The following UNC13C variants were observed in gnomAD, a reference collection of about 807,000 sequenced individuals.
The protein encoded by UNC13C is protein unc-13 homolog C.
A neutral mutation model predicts 245.4 loss-of-function variants in UNC13C; 174 were observed. That is an observed-to-expected ratio of 0.71 (90% CI 0.63 to 0.80). UNC13C has a LOEUF of 0.80. Among genes scored for constraint, UNC13C ranks in the 30% least tolerant of loss-of-function variants. The pLI is 0.00. For synonymous variants in UNC13C, 992 were observed against 895.1 expected (o/e 1.11, Z -1.93); for missense variants, 2,829 against 2,602.9 (o/e 1.09, Z -1.89).
In UNC13C at chr15:54,067,131, T is replaced by C. The variant is rs534325051; in HGVS notation, c.2983+51245T>C. 2.1e-3 allele frequency among the ~76,000 whole-genome samples: 314 copies of C among 152,264 alleles called. 2 individuals are homozygous for C. Among genetic ancestry groups the C allele is most frequent in the Middle Eastern group, 3.4e-3 (1 of 294 alleles). ...TCCCTATACTCCTGTTTGGTTCGAT[T>C]TGATGACTGACTGTTTTTTTAATCT... On this transcript the variant is annotated intron_variant, in intron 2 of 32. Coordinates refer to ENST00000260323, the MANE Select transcript of UNC13C (RefSeq NM_001080534.3).
chr15:54,075,699 G>A (rs1407480499), intron 2 of UNC13C, among the ~76,000 whole-genome samples: 1 of 151,964 alleles, frequency 6.6e-6, no homozygotes, highest in Admixed American at 6.6e-5. Flanking sequence ...AGCAGTGATT[G>A]TGGAATCTCA....
At chr15:54,545,301 G>A (rs1896434857) in intron 26 of UNC13C, among the ~76,000 whole-genome samples, 1 of 152,136 alleles carries the variant, frequency 6.6e-6, no homozygotes, top group African/African-American at 2.4e-5. Context: ...ATTAACTCAA[G>A]GTGGACTAAA....
chr15:54,124,671 G>A (rs2030913895), intron 2 of UNC13C, among the ~76,000 whole-genome samples: 1 of 151,678 alleles, frequency 6.6e-6, no homozygotes, highest in Admixed American at 6.6e-5. Context: ...TTATGCTATT[G>A]GTATCATTAT....
intron 2 of UNC13C, among the ~76,000 whole-genome samples, chr15:54,136,295 G>A (rs1413424595): frequency 6.6e-6 from 1 of 151,930 alleles, no homozygotes; most frequent in Non-Finnish European, 1.5e-5. Flanking sequence ...GTGCCACCAT[G>A]CCCTGCAAAT....
chr15:54,608,877 T>C (rs1328546222), intron 30 of UNC13C, among the ~76,000 whole-genome samples: 3 of 152,224 alleles, frequency 2.0e-5, no homozygotes, highest in African/African-American at 7.2e-5. Flanking sequence ...AGACCAATTA[T>C]TGATTTAAAA....
At chr15:54,447,503 G>A (rs1219205805) in intron 19 of UNC13C, among the ~76,000 whole-genome samples, 2 of 152,124 alleles carry the variant, frequency 1.3e-5, no homozygotes, top group South Asian at 4.1e-4. Context: ...AGTCTTGGGA[G>A]GATGTATGTG....
the UNC13C span, among the ~76,000 whole-genome samples, chr15:53,883,167 T>C: frequency 6.6e-6 from 1 of 152,282 alleles, no homozygotes; most frequent in East Asian, 1.9e-4. Context: ...AATTGAATTT[T>C]TTTTCTACTT....
intron 2 of UNC13C, among the ~76,000 whole-genome samples, chr15:54,108,335 C>T (rs943929796): frequency 3.3e-5 from 5 of 152,004 alleles, no homozygotes; most frequent in East Asian, 1.9e-4. Context: ...TACAGGCGCC[C>T]GCCACCACGC....
At chr15:54,553,358 T>G (rs1596559949) in intron 28 of UNC13C, among the ~76,000 whole-genome samples, 1 of 126,084 alleles carries the variant, frequency 7.9e-6, no homozygotes, top group East Asian at 2.2e-4. Flanking sequence ...TAATATATAA[T>G]ATAATATATA....
the UNC13C span, among the ~76,000 whole-genome samples, chr15:53,894,742 A>T: frequency 6.6e-6 from 1 of 152,182 alleles, no homozygotes; most frequent in African/African-American, 2.4e-5. Flanking sequence ...TCTTTCTGAA[A>T]TATTTATTTA....
At chr15:54,437,676 C>A (rs887708116) in intron 19 of UNC13C, among the ~76,000 whole-genome samples, 3 of 151,806 alleles carry the variant, frequency 2.0e-5, no homozygotes, top group Non-Finnish European at 4.4e-5. Flanking sequence ...CAGTTCTGAT[C>A]GATTGCAAAC....
chr15:54,257,540 T>C (rs995237374), intron 8 of UNC13C, among the ~76,000 whole-genome samples: 1 of 152,212 alleles, frequency 6.6e-6, no homozygotes, highest in African/African-American at 2.4e-5. Flanking sequence ...TTGTAGGCTC[T>C]TGGTGCCAGG....
intron 1 of UNC13C, among the ~76,000 whole-genome samples, chr15:53,988,763 T>C (rs1278254822): frequency 1.3e-5 from 2 of 151,926 alleles, no homozygotes; most frequent in Admixed American, 6.6e-5. Context: ...ATCTACTGTT[T>C]GTTGAAATTG....
chr15:53,962,085 T>C, the UNC13C span, among the ~76,000 whole-genome samples: 28 of 152,344 alleles, frequency 1.8e-4, no homozygotes, highest in South Asian at 6.2e-4. Flanking sequence ...TTGAGGCTTG[T>C]GTACTATCAA....
chr15:54,141,908 T>C (rs2032039956), intron 2 of UNC13C, among the ~76,000 whole-genome samples: 1 of 152,166 alleles, frequency 6.6e-6, no homozygotes. Context: ...AAGTAATGCA[T>C]TTCAGATTTT....
chr15:54,378,465 G>A lies in UNC13C; in HGVS notation c.4714-14583G>A, dbSNP rs1302846980. On this transcript the variant is annotated intron_variant, in intron 17 of 32. Transcript: ENST00000260323. ...TTTTATATTCAAGAAACTTTCATAT[G>A]CATGTCTCTTGGATCCTCAGGACCT... is the stretch of plus-strand genomic sequence containing the variant. 2.6e-5 allele frequency among the ~76,000 whole-genome samples: 4 copies of A among 152,082 alleles called. No homozygotes were observed. The East Asian group carries it at 5.8e-4, about 22-fold the overall frequency.
At chr15:54,542,044 A>G (rs16974753) in intron 26 of UNC13C, among the ~76,000 whole-genome samples, 48,715 of 151,816 alleles carry the variant, frequency 0.32, 8,701 homozygotes, top group East Asian at 0.52. Context: ...CTGCTGTAAC[A>G]TGGGTGAAAA....
At chr15:54,617,065 A>T (rs993585028) in intron 30 of UNC13C, among the ~76,000 whole-genome samples, 1 of 152,112 alleles carries the variant, frequency 6.6e-6, no homozygotes, top group Non-Finnish European at 1.5e-5. Context: ...CATAGGCTAT[A>T]CCACCTAGGT....
At chr15:54,203,680 C>T (rs895639250) in intron 4 of UNC13C, among the ~76,000 whole-genome samples, 5 of 147,842 alleles carry the variant, frequency 3.4e-5, no homozygotes, top group Non-Finnish European at 7.5e-5. Context: ...TTTATCCACT[C>T]GTGATTGATT....
Sources: gnomAD v4.1 joint callset for allele counts (sites outside exome capture counted in the v4.1 genomes callset) on GRCh38, gnomAD v4.1.1 for gene constraint, MANE v1.5 for transcripts, NCBI Gene and HGNC (gene_info 2026-07-23, HGNC 2026-07-21) for gene names.